The following PDE8A variants were observed in gnomAD, a reference collection of about 807,000 sequenced individuals.
PDE8A encodes the protein phosphodiesterase 8A.
Under a neutral mutation model 105.0 loss-of-function variants are expected in PDE8A, and 59 were observed. The observed-to-expected ratio is 0.56, with a 90% CI of 0.46 to 0.70. PDE8A has a LOEUF of 0.70. Ranked by LOEUF, PDE8A falls within the 30% of genes least tolerant of loss-of-function variation. The probability of loss-of-function intolerance (pLI) is 0.00; values close to 1 mark genes in which losing one functional copy is unlikely to be tolerated. For missense variants in PDE8A, 1,014 were observed against 1,045.9 expected (o/e 0.97, Z 0.42); for synonymous variants, 355 against 371.9 (o/e 0.95, Z 0.52).
intron 17 of PDE8A, chr15:85,120,233 C>T (rs955218204): frequency 1.3e-5 from 2 of 151,902 alleles, no homozygotes; most frequent in Non-Finnish European, 2.9e-5. Context: ...GCTCCTGACC[C>T]AGATGGACAG....
intron 1 of PDE8A, among the ~76,000 whole-genome samples, chr15:85,058,709 C>G (rs1336692150): frequency 1.3e-5 from 2 of 152,150 alleles, no homozygotes; most frequent in African/African-American, 2.4e-5. Flanking sequence ...ATAGTACTCT[C>G]TTAGAATCCT....
intron 8 of PDE8A, among the ~76,000 whole-genome samples, chr15:85,095,098 C>G (rs2073877999): frequency 6.6e-6 from 1 of 152,124 alleles, no homozygotes; most frequent in Non-Finnish European, 1.5e-5. Context: ...CCAAGAGGGA[C>G]TGCATCAATA....
chr15:85,114,391 A>G (rs1325808066), intron 14 of PDE8A, among the ~76,000 whole-genome samples: 2 of 152,086 alleles, frequency 1.3e-5, no homozygotes, highest in Non-Finnish European at 2.9e-5. Flanking sequence ...GAACAGAAAG[A>G]TTGTCTTTCT....
rs149119888 is a variant in PDE8A, at chr15:85,089,835, T to C, written c.714+419T>C. On this transcript the variant is annotated intron_variant, in intron 7 of 21. Coordinates refer to ENST00000394553, the MANE Select transcript of PDE8A (RefSeq NM_002605.3). ...ATAATTTGCACTTACAGAAATATAC[T>C]AGAAACAACTAAAAGTTTCAGAAAT... 2.8e-3 allele frequency among the ~76,000 whole-genome samples: 433 copies of C among 152,334 alleles called. 2 individuals are homozygous for C. The highest frequency in any genetic ancestry group is 0.01 in the African/African-American group (419 of 41,574).
At chr15:85,009,801 G>A (rs1472170823) in intron 1 of PDE8A, among the ~76,000 whole-genome samples, 1 of 152,206 alleles carries the variant, frequency 6.6e-6, no homozygotes, top group Non-Finnish European at 1.5e-5. Context: ...CAGCAGAAAT[G>A]TGTAGATATG....
intron 1 of PDE8A, among the ~76,000 whole-genome samples, chr15:84,992,485 C>T (rs964717453): frequency 6.6e-6 from 1 of 152,182 alleles, no homozygotes; most frequent in Non-Finnish European, 1.5e-5. Flanking sequence ...TCAGAGAACT[C>T]CCAAAGGCAT....
upstream of PDE8A, chr15:84,980,567 G>C (rs1407191142): frequency 6.6e-6 from 1 of 152,468 alleles, no homozygotes; most frequent in Non-Finnish European, 1.5e-5. Flanking sequence ...CGCAAACCGG[G>C]AGCCCAGGGA....
intron 20 of PDE8A, among the ~76,000 whole-genome samples, chr15:85,130,550 TTGGG>T: frequency 6.6e-6 from 1 of 152,192 alleles, no homozygotes; most frequent in African/African-American, 2.4e-5. Context: ...TCTACTGTTG[TTGGG>T]TGGATGTTCT....
At position 85,083,320 on chromosome 15, in the gene PDE8A, T is replaced by TA. The variant is rs1555475932; in HGVS notation, c.547-236_547-235insA. Among the ~76,000 whole-genome samples the TA allele has an allele frequency of 3.3e-3, 498 of 149,616 alleles. 2 individuals are homozygous for TA. The highest frequency in any genetic ancestry group is 0.011 in the African/African-American group (419 of 39,490). On this transcript the variant is annotated intron_variant, in intron 5 of 21. Coordinates refer to ENST00000394553, the MANE Select transcript of PDE8A (RefSeq NM_002605.3). The stretch of plus-strand genomic sequence containing the variant: ...GCTGAAAGAAAAGCCTTTTTTTTTT[T>TA]TAAAAAAATGAAAGGCTACTAAATG...
At chr15:85,081,557 C>T (rs1219839332) in intron 5 of PDE8A, among the ~76,000 whole-genome samples, 3 of 152,098 alleles carry the variant, frequency 2.0e-5, no homozygotes, top group African/African-American at 2.4e-5. Context: ...CAGCCCCTTT[C>T]GTGGAAGAAG....
chr15:85,061,276 C>T (rs533805161), intron 1 of PDE8A, among the ~76,000 whole-genome samples: 14 of 151,764 alleles, frequency 9.2e-5, no homozygotes, highest in Admixed American at 2.6e-4. Flanking sequence ...CTCTGTTGTC[C>T]AGGCTGGAGT....
At chr15:85,106,142 A>G (rs932692722) in intron 11 of PDE8A, among the ~76,000 whole-genome samples, 2 of 151,788 alleles carry the variant, frequency 1.3e-5, no homozygotes, top group African/African-American at 4.9e-5. Context: ...TGCGTCCTTC[A>G]TACACCCTCT....
chr15:85,011,359 T>G (rs910530085), intron 1 of PDE8A, among the ~76,000 whole-genome samples: 1 of 152,124 alleles, frequency 6.6e-6, no homozygotes, highest in Non-Finnish European at 1.5e-5. Context: ...AGCCAGAGAG[T>G]ACTGGTCCAA....
intron 12 of PDE8A, 68 bp downstream of exon 12, chr15:85,109,198 C>A: frequency 1.9e-6 from 2 of 1,073,572 alleles, no homozygotes; most frequent in Non-Finnish European, 1.4e-6. Context: ...CCCTGCCCTG[C>A]CTTGCCCAGG....
chr15:84,986,228 AAAAT>A (rs2079800123), intron 1 of PDE8A, among the ~76,000 whole-genome samples: 2 of 152,202 alleles, frequency 1.3e-5, no homozygotes, highest in South Asian at 4.1e-4. Context: ...CCCTATCTCA[AAAAT>A]AAATAATAAA....
intron 1 of PDE8A, among the ~76,000 whole-genome samples, chr15:85,017,210 G>A (rs1362116909): frequency 1.3e-5 from 2 of 151,236 alleles, no homozygotes; most frequent in Non-Finnish European, 2.9e-5. Context: ...GCAGTGAGCC[G>A]AGATTGCGCC....
chr15:85,090,712 A>T, intron 7 of PDE8A: 2 of 422,164 alleles, frequency 4.7e-6, no homozygotes, highest in Non-Finnish European at 9.5e-6. Flanking sequence ...ACCCCCATCT[A>T]AACAGCCCTG....
At chr15:85,065,861 C>T (rs2081217001) in intron 2 of PDE8A, among the ~76,000 whole-genome samples, 1 of 152,238 alleles carries the variant, frequency 6.6e-6, no homozygotes, top group African/African-American at 2.4e-5. Flanking sequence ...GGATACAGGC[C>T]TCGCTTGCTC....
chr15:85,071,552 T>C (rs1049028640), intron 3 of PDE8A, among the ~76,000 whole-genome samples: 8 of 152,204 alleles, frequency 5.3e-5, no homozygotes, highest in Admixed American at 5.2e-4. Flanking sequence ...AGTTCTCAGG[T>C]TCAGTTTGAG....
Sources: allele counts gnomAD v4.1 joint callset (sites outside exome capture counted in the v4.1 genomes callset), GRCh38; gene constraint gnomAD v4.1.1; transcripts MANE v1.5; gene names NCBI Gene and HGNC (gene_info 2026-07-23, HGNC 2026-07-21).